Variants in PARD3B observed in about 807,000 individuals in gnomAD.
The protein encoded by PARD3B is partitioning defective 3 homolog B.
PARD3B carries 103 observed loss-of-function variants against 130.2 expected under a neutral mutation model. The observed-to-expected ratio is 0.79, with a 90% CI of 0.67 to 0.93. The LOEUF (loss-of-function observed/expected upper bound fraction) is 0.93. Among genes scored for constraint, PARD3B ranks in the 40% least tolerant of loss-of-function variants. PARD3B has a pLI of 0.00. For synonymous variants in PARD3B, 583 were observed against 553.2 expected, an observed-to-expected ratio of 1.05 and a Z score of -0.76; for missense variants, 1,609 against 1,499.2, an observed-to-expected ratio of 1.07 and a Z score of -1.21.
chr2:205,221,351 T>C (rs2038228203), intron 15 of PARD3B, among the ~76,000 whole-genome samples: 1 of 152,176 alleles, frequency 6.6e-6, no homozygotes, highest in Non-Finnish European at 1.5e-5. Context: ...TAAACATTCA[T>C]CGGATGGAGA....
chr2:205,475,214 G>T lies in PARD3B; in HGVS notation c.3045-24682G>T, dbSNP rs564065369. On this transcript the variant is annotated intron_variant, in intron 20 of 22. Transcript: ENST00000406610. ...AATAGGCAGTATTAGAAAAATAAGA[G>T]CCTCACAGTAGATTGTGAAAGAAAT... is the stretch of plus-strand genomic sequence containing the variant. Among the ~76,000 whole-genome samples, 5 of 152,126 alleles carry T rather than the reference G, an allele frequency of 3.3e-5. No homozygotes were observed. The East Asian group carries it at 9.7e-4, about 29-fold the overall frequency.
intron 2 of PARD3B, among the ~76,000 whole-genome samples, chr2:204,761,907 G>T (rs997880326): frequency 6.6e-6 from 1 of 151,848 alleles, no homozygotes; most frequent in Non-Finnish European, 1.5e-5. Flanking sequence ...TGTTGCCCTA[G>T]TGTCATGATA....
chr2:204,668,824 GTTTAC>G (rs2036146558), intron 1 of PARD3B, among the ~76,000 whole-genome samples: 1 of 152,134 alleles, frequency 6.6e-6, no homozygotes. Context: ...AGATTGGTCA[GTTTAC>G]TTTAAGCTAG....
At chr2:205,527,916 T>G (rs1156620956) in intron 21 of PARD3B, among the ~76,000 whole-genome samples, 3 of 152,172 alleles carry the variant, frequency 2.0e-5, no homozygotes, top group Admixed American at 6.5e-5. Flanking sequence ...CATTTTTCAA[T>G]TAGCTGATGA....
chr2:204,973,207 C>A (rs1321581665), intron 3 of PARD3B, among the ~76,000 whole-genome samples: 1 of 152,144 alleles, frequency 6.6e-6, no homozygotes, highest in Non-Finnish European at 1.5e-5. Flanking sequence ...ACAAGTACTG[C>A]TTTTCACAGC....
At chr2:205,133,275 C>T (rs147241163) in intron 10 of PARD3B, among the ~76,000 whole-genome samples, 24 of 152,166 alleles carry the variant, frequency 1.6e-4, no homozygotes, top group African/African-American at 4.8e-4. Flanking sequence ...GAAATGTTAG[C>T]GGTATTTTTA....
At chr2:205,082,133 A>C (rs550697081) in intron 4 of PARD3B, among the ~76,000 whole-genome samples, 24 of 152,140 alleles carry the variant, frequency 1.6e-4, no homozygotes, top group Non-Finnish European at 2.8e-4. Flanking sequence ...ATTTCATATA[A>C]ATTGTCATAT....
At chr2:204,844,421 TAA>T (rs2044381988) in intron 2 of PARD3B, among the ~76,000 whole-genome samples, 1 of 152,150 alleles carries the variant, frequency 6.6e-6, no homozygotes, top group Non-Finnish European at 1.5e-5. Flanking sequence ...ATTTTATTTT[TAA>T]GTTATAATAT....
chr2:205,097,887 G>T (rs1002168876), intron 4 of PARD3B, among the ~76,000 whole-genome samples: 1 of 151,916 alleles, frequency 6.6e-6, no homozygotes, highest in Non-Finnish European at 1.5e-5. Flanking sequence ...TAATTGCTAA[G>T]ACTGAAACAT....
In PARD3B at chr2:205,399,651, A is replaced by G. The variant is rs568864773; in HGVS notation, c.2631-1362A>G. On this transcript the variant is annotated intron_variant, in intron 18 of 22. Transcript: ENST00000406610. The stretch of plus-strand genomic sequence containing the variant: ...ATTACAGGCGTGAGCCACCACACCC[A>G]GCTGCATCTTCTTTTTTTATTTCAA... 8.5e-5 allele frequency among the ~76,000 whole-genome samples: 13 copies of G among 152,244 alleles called. No individual in the cohort carries two copies. In the East Asian group the frequency reaches 2.1e-3, roughly 25 times the overall value.
chr2:204,632,276 A>G (rs2034705672), intron 1 of PARD3B, among the ~76,000 whole-genome samples: 1 of 152,122 alleles, frequency 6.6e-6, no homozygotes, highest in Non-Finnish European at 1.5e-5. Flanking sequence ...CTCCTCAGCC[A>G]TGTGGAATTG....
chr2:204,814,801 T>C (rs190587379), intron 2 of PARD3B, among the ~76,000 whole-genome samples: 20 of 152,046 alleles, frequency 1.3e-4, no homozygotes, highest in African/African-American at 4.8e-4. Context: ...ATTGGAGATA[T>C]CAAAAGCTAT....
rs973846192 is a variant in PARD3B, at chr2:205,461,441, C to T, written c.3044+20769C>T. Among the ~76,000 whole-genome samples, 3 of 152,172 alleles carry T rather than the reference C, an allele frequency of 2.0e-5. No individual in the cohort carries two copies. In the South Asian group the frequency reaches 6.2e-4, roughly 32 times the overall value. On this transcript the variant is annotated intron_variant, in intron 20 of 22. Transcript: ENST00000406610. This position sits in a 1 kb window ranked among gnomAD's most constrained non-coding sequence, Gnocchi z 4.3. ...CCTTCATTGAACCAAGAGGTATTCC[C>T]TAGCACGGACTGCCATGTAGAAAAG... is the stretch of plus-strand genomic sequence containing the variant.
chr2:205,063,439 C>G (rs1700177173), intron 4 of PARD3B, among the ~76,000 whole-genome samples: 2 of 151,776 alleles, frequency 1.3e-5, no homozygotes, highest in African/African-American at 2.4e-5. Context: ...TTGCAAGGAC[C>G]AAAGGATGCA....
At chr2:204,945,895 C>T (rs1273794150) in intron 2 of PARD3B, among the ~76,000 whole-genome samples, 1 of 151,968 alleles carries the variant, frequency 6.6e-6, no homozygotes, top group African/African-American at 2.4e-5. Flanking sequence ...AGTTGGTTGG[C>T]TTTTTGCAAA....
At chr2:204,764,965 C>A (rs146560048) in intron 2 of PARD3B, among the ~76,000 whole-genome samples, 1 of 151,722 alleles carries the variant, frequency 6.6e-6, no homozygotes, top group African/African-American at 2.4e-5. Context: ...GATTAATATT[C>A]CAGTGAGACT....
intron 2 of PARD3B, among the ~76,000 whole-genome samples, chr2:204,867,372 C>T (rs1344786962): frequency 2.0e-5 from 3 of 152,140 alleles, no homozygotes; most frequent in Non-Finnish European, 4.4e-5. Flanking sequence ...GCGTTGGTGG[C>T]TACATATATT....
intron 12 of PARD3B, among the ~76,000 whole-genome samples, chr2:205,175,113 T>G (rs2035393189): frequency 6.6e-6 from 1 of 152,202 alleles, no homozygotes; most frequent in African/African-American, 2.4e-5. Flanking sequence ...ACGGCTCTAT[T>G]TTACAGGCTG....
rs558815408 is a variant in PARD3B, at chr2:205,157,449, A to T, written c.1435-1273A>T. On this transcript the variant is annotated intron_variant, in intron 10 of 22. Transcript: ENST00000406610. ...ACAACTTCACTTATAAGAAAATTAA[A>T]TGAAAGAACTATTTCTTTAAAAGTT... Among the ~76,000 whole-genome samples the T allele has an allele frequency of 5.9e-4, 90 of 152,318 alleles. No individual in the cohort carries two copies. The Middle Eastern group carries it at 0.014, about 23-fold the overall frequency.
Sources: allele counts gnomAD v4.1 joint callset (sites outside exome capture counted in the v4.1 genomes callset), GRCh38; gene constraint gnomAD v4.1.1; non-coding constraint Gnocchi (gnomAD v3.1); transcripts MANE v1.5; gene names NCBI Gene and HGNC (gene_info 2026-07-23, HGNC 2026-07-21).